CACNA2D1: variants seen among roughly 807,000 people sequenced by gnomAD.
CACNA2D1 encodes voltage-dependent calcium channel subunit alpha-2/delta-1.
Under a neutral mutation model 171.5 loss-of-function variants are expected in CACNA2D1, and 53 were observed. The ratio of observed to expected loss-of-function variants is 0.31; its 90% CI spans 0.25 to 0.39. The LOEUF (loss-of-function observed/expected upper bound fraction) is 0.39. Ranked by LOEUF, CACNA2D1 falls within the 10% of genes least tolerant of loss-of-function variation. The probability of loss-of-function intolerance (pLI) is 1.00; values close to 1 mark genes in which losing one functional copy is unlikely to be tolerated. For missense variants in CACNA2D1, 903 were observed against 1,299.8 expected, an observed-to-expected ratio of 0.69 and a Z score of 4.69; for synonymous variants, 442 against 443.1, an observed-to-expected ratio of 1.00 and a Z score of 0.03.
intron 3 of CACNA2D1, among the ~76,000 whole-genome samples, chr7:82,255,057 T>C (rs1446372454): frequency 6.6e-6 from 1 of 152,212 alleles, no homozygotes; most frequent in African/African-American, 2.4e-5. Context: ...GATCTTTCCC[T>C]AGCTATTCGG....
At chr7:82,121,838 A>C (rs2367907) in intron 5 of CACNA2D1, among the ~76,000 whole-genome samples, 19 of 151,842 alleles carry the variant, frequency 1.3e-4, no homozygotes, top group Non-Finnish European at 2.8e-4. Context: ...GATTATGCCC[A>C]TTCTTCAGGT....
At chr7:81,974,356 C>A (rs990068044) in intron 25 of CACNA2D1, 99 bp downstream of exon 25, 4 of 627,078 alleles carry the variant, frequency 6.4e-6, no homozygotes, top group Middle Eastern at 3.1e-4. Context: ...AAATAAACAA[C>A]CAGCACAATA....
intron 4 of CACNA2D1, among the ~76,000 whole-genome samples, chr7:82,151,471 A>G (rs1793848774): frequency 6.6e-6 from 1 of 152,166 alleles, no homozygotes; most frequent in African/African-American, 2.4e-5. Flanking sequence ...TAACAAATCA[A>G]TCTATCCTAA....
At chr7:82,350,845 G>T (rs970601664) in intron 1 of CACNA2D1, among the ~76,000 whole-genome samples, 1 of 152,050 alleles carries the variant, frequency 6.6e-6, no homozygotes, top group African/African-American at 2.4e-5. Flanking sequence ...TTACAATTAT[G>T]ATCGAAGGAT....
At chr7:81,992,037 G>A (rs1409612218) in intron 20 of CACNA2D1, among the ~76,000 whole-genome samples, 3 of 150,320 alleles carry the variant, frequency 2.0e-5, no homozygotes, top group Admixed American at 6.6e-5. Flanking sequence ...TAGAGACGGG[G>A]TTTCACTGTG....
intron 10 of CACNA2D1, among the ~76,000 whole-genome samples, chr7:82,052,626 C>T (rs1287077734): frequency 6.6e-6 from 1 of 151,942 alleles, no homozygotes; most frequent in African/African-American, 2.4e-5. Context: ...ATGAATTTAA[C>T]GTGGTTGACA....
intron 5 of CACNA2D1, among the ~76,000 whole-genome samples, chr7:82,129,124 A>T (rs1265841413): frequency 6.6e-6 from 1 of 152,146 alleles, no homozygotes; most frequent in Non-Finnish European, 1.5e-5. Context: ...TCATAAGCTA[A>T]ACATAAAACT....
chr7:82,338,275 C>G (rs1014957064), intron 2 of CACNA2D1, among the ~76,000 whole-genome samples: 4 of 151,898 alleles, frequency 2.6e-5, no homozygotes, highest in African/African-American at 9.7e-5. Flanking sequence ...AATATTTACT[C>G]AAAACTAAAT....
intron 7 of CACNA2D1, among the ~76,000 whole-genome samples, chr7:82,075,840 A>G (rs758375206): frequency 2.6e-4 from 40 of 152,226 alleles, no homozygotes; most frequent in Non-Finnish European, 5.4e-4. Flanking sequence ...GCATCTAAAA[A>G]TGAATGGCAT....
intron 24 of CACNA2D1, among the ~76,000 whole-genome samples, chr7:81,976,076 C>T (rs80163105): frequency 0.092 from 14,005 of 151,420 alleles, 681 homozygotes; most frequent in Middle Eastern, 0.2. Context: ...ATCCAAGTTA[C>T]TCTGGGATGC....
chr7:82,411,268 A>C (rs1304719221), intron 1 of CACNA2D1, among the ~76,000 whole-genome samples: 1 of 152,210 alleles, frequency 6.6e-6, no homozygotes, highest in Non-Finnish European at 1.5e-5. Flanking sequence ...AGAAAGTTTG[A>C]AATCAGATAG....
At chr7:82,096,550 T>C (rs951407524) in intron 6 of CACNA2D1, among the ~76,000 whole-genome samples, 3 of 151,406 alleles carry the variant, frequency 2.0e-5, no homozygotes, top group South Asian at 2.1e-4. Context: ...CAACTAGCCA[T>C]GGAAATATTA....
chr7:82,379,478 C>G (rs1223792185), intron 1 of CACNA2D1, among the ~76,000 whole-genome samples: 1 of 152,108 alleles, frequency 6.6e-6, no homozygotes, highest in Non-Finnish European at 1.5e-5. Context: ...AATTTATGAA[C>G]TATTTGTTTT....
In CACNA2D1 at chr7:81,946,476, T is replaced by C. The variant is rs768905662; in HGVS notation, c.*3916A>G. The stretch of plus-strand genomic sequence containing the variant: ...AAATGATAAACTTTTATTCTGAATA[T>C]ACTGTTTTTGCACAAGATTTAACAC... On this transcript the variant is annotated 3_prime_UTR_variant, in exon 39 of 39. Coordinates refer to ENST00000356860, the MANE Select transcript of CACNA2D1 (RefSeq NM_000722.4). The C allele has an allele frequency of 1.3e-5, 2 of 152,126 alleles. No individual in the cohort carries two copies. The highest frequency in any genetic ancestry group is 6.6e-5 in the Admixed American group (1 of 15,254). 9.4% of individuals were successfully genotyped at this position (152,126 alleles called of 1,614,324 possible). A position where few individuals can be genotyped will look rare whatever the true frequency, so the allele number is the denominator to read the frequency against.
rs370995493 is a variant in CACNA2D1, at chr7:82,156,441, G to A, written c.354+14109C>T. ...AGATCAGTCTTTTCCAAGGGAGAAC[G>A]TGATAAATCAATCTTGAAGCAACTC... On this transcript the variant is annotated intron_variant, in intron 4 of 38. Transcript: ENST00000356860. Among the ~76,000 whole-genome samples the A allele has an allele frequency of 2.6e-5, 4 of 152,208 alleles. No individual in the cohort carries two copies. The South Asian group carries it at 6.2e-4, about 24-fold the overall frequency.
At chr7:82,177,093 G>A (rs1164004537) in intron 3 of CACNA2D1, among the ~76,000 whole-genome samples, 1 of 145,988 alleles carries the variant, frequency 6.8e-6, no homozygotes, top group Non-Finnish European at 1.5e-5. Flanking sequence ...TTTTTGGCGG[G>A]GGTTGGGGGG....
intron 24 of CACNA2D1, among the ~76,000 whole-genome samples, chr7:81,978,689 T>C (rs1796106566): frequency 6.6e-6 from 1 of 151,488 alleles, no homozygotes; most frequent in Non-Finnish European, 1.5e-5. Flanking sequence ...TGTATAACTA[T>C]GTAACAAACC....
At chr7:82,106,524 A>T (rs1393143228) in intron 6 of CACNA2D1, among the ~76,000 whole-genome samples, 1 of 150,230 alleles carries the variant, frequency 6.7e-6, no homozygotes, top group Non-Finnish European at 1.5e-5. Context: ...TTTCCTTTTA[A>T]TTTTTTTTTT....
intron 4 of CACNA2D1, among the ~76,000 whole-genome samples, chr7:82,165,123 T>G (rs553620772): frequency 6.6e-6 from 1 of 151,970 alleles, no homozygotes. Context: ...CCCAGGATAT[T>G]GAAGCAGCGG....
Sources: gnomAD v4.1 joint callset for allele counts (sites outside exome capture counted in the v4.1 genomes callset) on GRCh38, gnomAD v4.1.1 for gene constraint, MANE v1.5 for transcripts, NCBI Gene and HGNC (gene_info 2026-07-23, HGNC 2026-07-21) for gene names.